TLN2: variants seen among roughly 807,000 people sequenced by gnomAD.
The protein encoded by TLN2 is talin-2.
A neutral mutation model predicts 294.7 loss-of-function variants in TLN2; 118 were observed. That is an observed-to-expected ratio of 0.40 (90% CI 0.34 to 0.47). TLN2 has a LOEUF of 0.47. Among genes scored for constraint, TLN2 ranks in the 20% least tolerant of loss-of-function variants. TLN2 has a pLI of 0.84. For synonymous variants in TLN2, 1,431 were observed against 1,304.5 expected, an observed-to-expected ratio of 1.10 and a Z score of -2.09; for missense variants, 3,083 against 3,282.2, an observed-to-expected ratio of 0.94 and a Z score of 1.48.
intron 1 of TLN2, among the ~76,000 whole-genome samples, chr15:62,535,556 A>ATT (rs34539193): frequency 0.085 from 11,878 of 139,684 alleles, 560 homozygotes; most frequent in African/African-American, 0.12. Flanking sequence ...AGATAACTTG[A>ATT]TTTTTTTTTT....
chr15:62,404,381 C>G (rs984110470), intron 1 of TLN2, among the ~76,000 whole-genome samples: 1 of 152,084 alleles, frequency 6.6e-6, no homozygotes, highest in Admixed American at 6.6e-5. Flanking sequence ...TATCATGGAC[C>G]TTAATGTTCT....
At chr15:62,475,270 C>T (rs985692117) in intron 1 of TLN2, among the ~76,000 whole-genome samples, 1 of 152,064 alleles carries the variant, frequency 6.6e-6, no homozygotes, top group African/African-American at 2.4e-5. Flanking sequence ...TTAATGGGGA[C>T]ATTAATTTTC....
In TLN2 at chr15:62,825,798, ATATT is replaced by A. The variant is rs1159334240; in HGVS notation, c.7002+5189_7002+5192del. Among the ~76,000 whole-genome samples the A allele has an allele frequency of 0.013, 56 of 4,446 alleles. 1 individual carries two copies. In the South Asian group the frequency reaches 0.17, roughly 14 times the overall value. The allele number at this position is 4,446 out of a possible 152,430, so 2.9% of individuals were successfully genotyped here. Reference sequence around the variant, plus strand: ...TATAATATATTATATATTATAATATATATTATATATTATATTATAATATATATTA... The same window carrying A: ...TATAATATATTATATATTATAATATAATATATTATATTATAATATATATTA... On this transcript the variant is annotated intron_variant, in intron 54 of 58. Coordinates refer to ENST00000636159, the MANE Select transcript of TLN2 (RefSeq NM_015059.3).
intron 29 of TLN2, 78 bp downstream of exon 29, chr15:62,737,164 C>T (rs1717862476): frequency 6.8e-6 from 10 of 1,479,752 alleles, no homozygotes; most frequent in South Asian, 2.4e-5. Flanking sequence ...CTCCTGGGCA[C>T]TTTTCCCTGA....
At position 62,491,351 on chromosome 15, in the gene TLN2, TACACACACACACACACACACACACACAC is replaced by T. The variant is rs1166046640; in HGVS notation, c.-237-98318_-237-98291del. 2.2e-3 allele frequency among the ~76,000 whole-genome samples: 217 copies of T among 100,304 alleles called. 1 individual carries two copies. The highest frequency in any genetic ancestry group is 9.4e-3 in the African/African-American group (214 of 22,736). The allele number at this position is 100,304 out of a possible 152,430, so 65.8% of individuals were successfully genotyped here. ...CAAAAAAAAAAAATATATATATATA[TACACACACACACACACACACACACACAC>T]ACACACACACACACACATTTATATA... On this transcript the variant is annotated intron_variant, in intron 1 of 58. Transcript: ENST00000636159.
chr15:62,795,990 C>G (rs1330642114), intron 46 of TLN2, 137 bp from the exon 47 acceptor site: 2 of 1,115,244 alleles, frequency 1.8e-6, no homozygotes, highest in South Asian at 3.4e-5. Flanking sequence ...CAGACTGAGG[C>G]CGTTGACTCC....
At chr15:62,621,905 C>G (rs991259716) in intron 3 of TLN2, among the ~76,000 whole-genome samples, 1 of 152,172 alleles carries the variant, frequency 6.6e-6, no homozygotes, top group African/African-American at 2.4e-5. Flanking sequence ...CAGATGGCCT[C>G]AGGACCTCAG....
chr15:62,587,255 A>C (rs906894557), intron 1 of TLN2, among the ~76,000 whole-genome samples: 13 of 152,236 alleles, frequency 8.5e-5, no homozygotes, highest in Non-Finnish European at 1.6e-4. Context: ...GATATCGTGT[A>C]TTCCTTAACT....
intron 42 of TLN2, among the ~76,000 whole-genome samples, chr15:62,775,357 T>G (rs2063641508): frequency 6.6e-6 from 1 of 152,160 alleles, no homozygotes; most frequent in Admixed American, 6.5e-5. Context: ...GTATCACCTT[T>G]CACACTTCTA....
intron 9 of TLN2, among the ~76,000 whole-genome samples, chr15:62,673,565 C>T (rs1596623804): frequency 7.2e-6 from 1 of 139,498 alleles, no homozygotes. Flanking sequence ...CTCTTGTGCT[C>T]TTTTTTTTTT....
chr15:62,463,924 C>T (rs1473843300), intron 1 of TLN2, among the ~76,000 whole-genome samples: 1 of 152,110 alleles, frequency 6.6e-6, no homozygotes. Context: ...AACCAGGAAA[C>T]AACAGATGCT....
At chr15:62,484,784 G>C (rs958956759) in intron 1 of TLN2, among the ~76,000 whole-genome samples, 22 of 152,174 alleles carry the variant, frequency 1.4e-4, no homozygotes, top group African/African-American at 4.8e-4. Flanking sequence ...TGGACTCCAG[G>C]CTCCACTCAC....
At position 62,602,666 on chromosome 15, in the gene TLN2, C is replaced by T. The variant is rs559819897; in HGVS notation, c.-162+12904C>T. The stretch of plus-strand genomic sequence containing the variant: ...GCACTTGCTGGTTTACAGATGCAGC[C>T]GCCTTGTTGTATCCTTACATGGCAG... On this transcript the variant is annotated intron_variant, in intron 2 of 58. Transcript: ENST00000636159. Among the ~76,000 whole-genome samples the T allele has an allele frequency of 7.9e-5, 12 of 152,194 alleles. No homozygotes were observed. The South Asian group carries it at 1.0e-3, about 13-fold the overall frequency.
At chr15:62,726,791 G>A (rs1195785318) in intron 27 of TLN2, among the ~76,000 whole-genome samples, 1 of 152,162 alleles carries the variant, frequency 6.6e-6, no homozygotes, top group African/African-American at 2.4e-5. Flanking sequence ...AAAACCTTCT[G>A]AGCCTAGGTA....
intron 2 of TLN2, among the ~76,000 whole-genome samples, 176 bp downstream of exon 2, chr15:62,589,938 T>A (rs2045952137): frequency 6.6e-6 from 1 of 152,134 alleles, no homozygotes; most frequent in Non-Finnish European, 1.5e-5. Context: ...TCCTGTCTGA[T>A]TTTTCCTCCT....
intron 45 of TLN2, among the ~76,000 whole-genome samples, chr15:62,788,382 C>T (rs1054986378): frequency 6.6e-6 from 1 of 152,274 alleles, no homozygotes; most frequent in East Asian, 1.9e-4. Flanking sequence ...GGGAAATTGC[C>T]AGTAGACTGT....
At position 62,843,545 on chromosome 15, in the gene TLN2, G is replaced by T. The variant is rs2070913234; in HGVS notation, c.*2935G>T. 1 of 152,234 alleles carries T rather than the reference G, an allele frequency of 6.6e-6. No individual in the cohort carries two copies. Among genetic ancestry groups the T allele is most frequent in the Non-Finnish European group, 1.5e-5 (1 of 68,074 alleles). 9.4% of individuals were successfully genotyped at this position (152,234 alleles called of 1,614,324 possible). On this transcript the variant is annotated 3_prime_UTR_variant, in exon 59 of 59. Coordinates refer to ENST00000636159, the MANE Select transcript of TLN2 (RefSeq NM_015059.3). ...GGCAGCTGCCCAGCCTGCAGTCTAT[G>T]CACGGGCCTTAAGAAATGAGCTGCC...
At chr15:62,505,718 T>A (rs541947265) in intron 1 of TLN2, among the ~76,000 whole-genome samples, 5 of 152,332 alleles carry the variant, frequency 3.3e-5, no homozygotes, top group African/African-American at 1.2e-4. Context: ...ATTTGTGACA[T>A]CTGTAGGGAG....
At chr15:62,697,564 A>G in intron 14 of TLN2, 124 bp from the exon 15 acceptor site, 1 of 1,016,684 alleles carries the variant, frequency 9.8e-7, no homozygotes, top group Non-Finnish European at 1.4e-6. Flanking sequence ...CTCAGTCTGT[A>G]TGTGCCTCTT....
Sources: allele counts gnomAD v4.1 joint callset (sites outside exome capture counted in the v4.1 genomes callset), GRCh38; gene constraint gnomAD v4.1.1; transcripts MANE v1.5; gene names NCBI Gene and HGNC (gene_info 2026-07-23, HGNC 2026-07-21).